Variants in EXOC6 observed in about 807,000 individuals in gnomAD.
The protein encoded by EXOC6 is SEC15-like 1.
In EXOC6, 60 loss-of-function variants were observed where a neutral mutation model predicts 112.5. The ratio of observed to expected loss-of-function variants is 0.53; its 90% CI spans 0.43 to 0.66. The LOEUF (loss-of-function observed/expected upper bound fraction) is 0.66. Among genes scored for constraint, EXOC6 ranks in the 30% least tolerant of loss-of-function variants. The probability of loss-of-function intolerance (pLI) is 0.00; values close to 1 mark genes in which losing one functional copy is unlikely to be tolerated. For missense variants in EXOC6, 855 were observed against 957.1 expected (o/e 0.89, Z 1.41); for synonymous variants, 295 against 308.0 (o/e 0.96, Z 0.44).
intron 19 of EXOC6, among the ~76,000 whole-genome samples, chr10:93,012,912 G>C (rs1844322306): frequency 6.6e-6 from 1 of 152,084 alleles, no homozygotes; most frequent in African/African-American, 2.4e-5. Flanking sequence ...GCCAAGTGTG[G>C]AGATGCATGC....
chr10:92,848,774 C>T (rs912561600), intron 1 of EXOC6, 140 bp downstream of exon 1: 6 of 574,268 alleles, frequency 1.0e-5, no homozygotes, highest in Non-Finnish European at 1.4e-5. Context: ...GGGGCGCTCG[C>T]GGGTGGCGGA....
chr10:93,039,072 A>T (rs1034213661), intron 20 of EXOC6, among the ~76,000 whole-genome samples: 9 of 152,184 alleles, frequency 5.9e-5, no homozygotes, highest in Admixed American at 5.2e-4. Context: ...TAATCCCAGC[A>T]CTTTGGGAGA....
At chr10:92,900,071 T>C (rs995952418) in intron 5 of EXOC6, 2 of 155,534 alleles carry the variant, frequency 1.3e-5, no homozygotes, top group Admixed American at 6.5e-5. Context: ...AAGAAAGTAA[T>C]TTAAAGTAGT....
At chr10:92,845,956 A>C (rs68140425), upstream of EXOC6, among the ~76,000 whole-genome samples, 19,352 of 152,198 alleles carry the variant, frequency 0.13, 1,566 homozygotes, top group African/African-American at 0.22. Context: ...CCAACCAAAC[A>C]AACAAAACAA....
intron 20 of EXOC6, among the ~76,000 whole-genome samples, chr10:93,034,540 T>A (rs1159673100): frequency 6.6e-6 from 1 of 152,226 alleles, no homozygotes; most frequent in Non-Finnish European, 1.5e-5. Context: ...TGAACAACTT[T>A]GAGTTCTGTC....
intron 17 of EXOC6, among the ~76,000 whole-genome samples, chr10:92,956,859 A>G (rs1391290760): frequency 6.6e-6 from 1 of 152,068 alleles, no homozygotes; most frequent in Non-Finnish European, 1.5e-5. Flanking sequence ...TTCTTTATCT[A>G]TAAAATTAGA....
In EXOC6 at chr10:92,921,650, C is replaced by CT. The variant is rs555576702; in HGVS notation, c.888+1615dup. 3.6e-3 allele frequency among the ~76,000 whole-genome samples: 506 copies of CT among 138,814 alleles called. 1 individual carries two copies. The highest frequency in any genetic ancestry group is 7.9e-3 in the African/African-American group (301 of 38,064). 91.1% of individuals were successfully genotyped at this position (138,814 alleles called of 152,430 possible). A position where few individuals can be genotyped will look rare whatever the true frequency, so the allele number is the denominator to read the frequency against. On this transcript the variant is annotated intron_variant, in intron 8 of 21. Transcript: ENST00000260762. ...CTTTGTGCTATTGTTTTCTTTCTTT[C>CT]TTTTTTTTTTTTTTTGAGATAGGGT...
At position 92,954,669 on chromosome 10, in the gene EXOC6, TCTG is replaced by T; in HGVS notation, c.1573_1575del (p.Leu525del). 6.2e-7 allele frequency: 1 copy of T among 1,609,198 alleles called. No individual in the cohort carries two copies. The highest frequency in any genetic ancestry group is 1.3e-5 in the African/African-American group (1 of 74,944). The stretch of plus-strand genomic sequence containing the variant: ...ACGATATGCTTAGAAAATCAACAAA[TCTG>T]CTGCTGACCAGAACTTTGAGTAGCT... On this transcript the variant is annotated inframe_deletion, in exon 16 of 22. Coordinates refer to ENST00000260762, the MANE Select transcript of EXOC6 (RefSeq NM_019053.6).
intron 13 of EXOC6, among the ~76,000 whole-genome samples, chr10:92,944,149 C>T (rs1043405001): frequency 1.3e-5 from 2 of 151,902 alleles, no homozygotes; most frequent in African/African-American, 2.4e-5. Flanking sequence ...ATTCAAAGGT[C>T]GATTCCGTAT....
At chr10:93,002,466 GA>G (rs1843797125) in intron 19 of EXOC6, among the ~76,000 whole-genome samples, 1 of 152,044 alleles carries the variant, frequency 6.6e-6, no homozygotes, top group Admixed American at 6.5e-5. Flanking sequence ...GAGCTTGTTA[GA>G]AATGCAAATC....
chr10:92,882,133 A>G (rs1831442317), intron 1 of EXOC6, among the ~76,000 whole-genome samples: 2 of 152,216 alleles, frequency 1.3e-5, no homozygotes, highest in Admixed American at 1.3e-4. Context: ...AGTACTGGAT[A>G]TGATACTTTT....
At chr10:92,843,058 C>T (rs1241992003) in intron 1 of EXOC6, among the ~76,000 whole-genome samples, 3 of 152,150 alleles carry the variant, frequency 2.0e-5, no homozygotes, top group African/African-American at 4.8e-5. Context: ...GAACAAAACC[C>T]GGGGCTAGTT....
chr10:92,911,823 T>C (rs1478472578), intron 6 of EXOC6, among the ~76,000 whole-genome samples: 1 of 152,058 alleles, frequency 6.6e-6, no homozygotes, highest in Admixed American at 6.6e-5. Flanking sequence ...AGAGTTAGAC[T>C]TCTCAAGATT....
chr10:92,863,847 G>A (rs113821782), intron 1 of EXOC6, among the ~76,000 whole-genome samples: 3 of 150,620 alleles, frequency 2.0e-5, no homozygotes, highest in Non-Finnish European at 4.4e-5. Flanking sequence ...CCCGGGAGGC[G>A]GAGCTTGCAG....
At chr10:93,040,527 G>A (rs899737406) in intron 20 of EXOC6, among the ~76,000 whole-genome samples, 2 of 152,204 alleles carry the variant, frequency 1.3e-5, no homozygotes, top group African/African-American at 4.8e-5. Context: ...GATTACAGGC[G>A]TGAGCCACTG....
At chr10:92,836,466 C>T (rs187652102) in intron 1 of EXOC6, among the ~76,000 whole-genome samples, 80 of 152,252 alleles carry the variant, frequency 5.3e-4, no homozygotes, top group African/African-American at 1.6e-3. Context: ...ATATGTTCCC[C>T]GGGTGCTACC....
At chr10:92,977,575 T>C (rs903277462) in intron 18 of EXOC6, among the ~76,000 whole-genome samples, 5 of 152,178 alleles carry the variant, frequency 3.3e-5, no homozygotes, top group African/African-American at 7.2e-5. Context: ...ATATAGTTTA[T>C]ACTAAATGAT....
intron 8 of EXOC6, among the ~76,000 whole-genome samples, chr10:92,927,310 G>T (rs1044046565): frequency 6.6e-6 from 1 of 152,078 alleles, no homozygotes; most frequent in African/African-American, 2.4e-5. Context: ...AGACAGAGGG[G>T]ATTGAGGTAT....
At chr10:93,001,340 A>G (rs907596546) in intron 19 of EXOC6, among the ~76,000 whole-genome samples, 1 of 152,190 alleles carries the variant, frequency 6.6e-6, no homozygotes, top group African/African-American at 2.4e-5. Flanking sequence ...CTGCCAAGTA[A>G]TTGTCCAGCC....
Sources: allele counts gnomAD v4.1 joint callset (sites outside exome capture counted in the v4.1 genomes callset), GRCh38; gene constraint gnomAD v4.1.1; transcripts MANE v1.5; gene names NCBI Gene and HGNC (gene_info 2026-07-23, HGNC 2026-07-21).